Variants in ALG13 observed in about 807,000 individuals in gnomAD.
ALG13 encodes the protein ALG13 UDP-N-acetylglucosaminyltransferase subunit.
Under a neutral mutation model 87.8 loss-of-function variants are expected in ALG13, and 11 were observed. That is an observed-to-expected ratio of 0.13 (90% CI 0.08 to 0.21). The LOEUF is 0.21. Ranked by LOEUF, ALG13 falls within the 10% of genes least tolerant of loss-of-function variation. The pLI, the probability that ALG13 is intolerant of heterozygous loss-of-function variation, is 1.00. For missense variants in ALG13, 756 were observed against 866.1 expected, an observed-to-expected ratio of 0.87 and a Z score of 1.60; for synonymous variants, 320 against 306.3, an observed-to-expected ratio of 1.04 and a Z score of -0.47.
intron 3 of ALG13, among the ~76,000 whole-genome samples, chrX:111,691,375 AC>A (rs1936121462): frequency 8.9e-6 from 1 of 111,888 alleles, no homozygotes; most frequent in Non-Finnish European, 1.9e-5. Context: ...TGCTGGGATT[AC>A]AGGCGTGAGC....
chrX:111,720,224 G>T, intron 11 of ALG13, 54 bp downstream of exon 11: 1 of 852,143 alleles, frequency 1.2e-6, no homozygotes, highest in South Asian at 3.0e-5. Flanking sequence ...GCAGCATCAT[G>T]ACTTAAACTA....
At chrX:111,727,149 C>A (rs1942155188) in intron 16 of ALG13, 94 bp downstream of exon 16, 4 of 1,047,773 alleles carry the variant, frequency 3.8e-6, no homozygotes, top group Middle Eastern at 2.6e-4. Context: ...AGATGAGGGT[C>A]TCTGTGACAT....
intron 8 of ALG13, 59 bp from the exon 9 acceptor site, chrX:111,717,787 A>T: frequency 2.4e-6 from 2 of 820,630 alleles, no homozygotes; most frequent in Non-Finnish European, 3.4e-6. Flanking sequence ...TTATCATCTT[A>T]ATTTCATGGT....
At chrX:111,719,140 C>T (rs1941065226) in intron 10 of ALG13, among the ~76,000 whole-genome samples, 1 of 108,705 alleles carries the variant, frequency 9.2e-6, no homozygotes. Flanking sequence ...AGTTCTCCTG[C>T]CTCAGCCTCC....
chrX:111,748,649 CTT>C (rs1207669181), intron 24 of ALG13, among the ~76,000 whole-genome samples: 4 of 111,715 alleles, frequency 3.6e-5, no homozygotes, highest in Non-Finnish European at 7.5e-5. Flanking sequence ...CTATGCTAGT[CTT>C]TTGTCAGGTA....
intron 24 of ALG13, among the ~76,000 whole-genome samples, chrX:111,746,303 A>G (rs1305167862): frequency 8.9e-6 from 1 of 112,083 alleles, no homozygotes; most frequent in Middle Eastern, 4.2e-3. Context: ...TGTCCCACAA[A>G]TTTCCCTCAT....
intron 3 of ALG13, among the ~76,000 whole-genome samples, chrX:111,697,246 A>G (rs770572594): frequency 3.6e-5 from 4 of 111,813 alleles, no homozygotes; most frequent in Non-Finnish European, 7.5e-5. Context: ...AGCATTTACT[A>G]TAAGCATTCC....
chrX:111,693,164 CTT>C lies in ALG13; in HGVS notation c.383+8082_383+8083del, dbSNP rs61239915. Among the ~76,000 whole-genome samples the C allele has an allele frequency of 5.0e-3, 275 of 55,096 alleles. 2 individuals are homozygous for C. The highest frequency in any genetic ancestry group is 0.017 in the African/African-American group (257 of 15,394). The allele number at this position is 55,096 out of a possible 115,157, so 47.8% of individuals were successfully genotyped here. On this transcript the variant is annotated intron_variant, in intron 3 of 26. Coordinates refer to ENST00000394780, the MANE Select transcript of ALG13 (RefSeq NM_001099922.3). ...TCTATTTATTATACAGTTTTTAATT[CTT>C]TTTTTTTTTTTTTTTTTTTTGGTAG...
chrX:111,750,632 ATTGTTTGT>A (rs61179114), intron 24 of ALG13, among the ~76,000 whole-genome samples: 2 of 108,668 alleles, frequency 1.8e-5, no homozygotes, highest in African/African-American at 6.8e-5. Context: ...ATTGTATTGT[ATTGTTTGT>A]TTGTTTGTTT....
Position 111,735,104 on chromosome X carries a change from A to G in ALG13, c.2511A>G (p.Ser837=). 8.4e-7 allele frequency: 1 copy of G among 1,184,603 alleles called. No homozygotes were observed. The highest frequency in any genetic ancestry group is 1.1e-6 in the Non-Finnish European group (1 of 872,022). Residue 837 remains serine, a synonymous_variant, in exon 22 of 27, where the codon TCA becomes TCG. Transcript: ENST00000394780. ...CSMSPQDTVT[S]YNYPQKMMGN... is the part of the protein sequence containing the mutation. ...TGTCTCCTCAGGACACAGTTACCTC[A>G]TACAACTACCCCCAGAAGGTAATCC...
At chrX:111,734,145 G>A (rs1210283581) in intron 21 of ALG13, among the ~76,000 whole-genome samples, 2 of 112,332 alleles carry the variant, frequency 1.8e-5, no homozygotes, top group Non-Finnish European at 1.9e-5. Context: ...TTTTTGCTGT[G>A]CAGAAGCTTT....
chrX:111,727,025 C>T lies in ALG13; in HGVS notation c.1946C>T (p.Pro649Leu), dbSNP rs368596044. 8.3e-6 allele frequency: 10 copies of T among 1,209,190 alleles called. No individual in the cohort carries two copies. The highest frequency in any genetic ancestry group is 1.8e-5 in the African/African-American group (1 of 56,977). ...NEHFHPQHPSPRQGRGYGMPR... is the reference protein window; with the variant it reads ...NEHFHPQHPSLRQGRGYGMPR... The stretch of plus-strand genomic sequence containing the variant: ...CATTTTCATCCTCAGCATCCATCTC[C>T]GAGACAAGGTCGGGGATATGGGATG... The change falls in exon 16 of 27, where the codon CCG becomes CTG. Residue 649 changes from proline to leucine, a missense_variant. Physicochemically the swap from Pro to Leu is moderately conservative, Grantham distance 98. Coordinates refer to ENST00000394780, the MANE Select transcript of ALG13 (RefSeq NM_001099922.3).
At chrX:111,747,718 C>G (rs1944370566) in intron 24 of ALG13, among the ~76,000 whole-genome samples, 1 of 111,899 alleles carries the variant, frequency 8.9e-6, no homozygotes, top group African/African-American at 3.2e-5. Context: ...AACTCCTGAC[C>G]TCGTGATCCA....
rs1249520322 is a variant in ALG13, at chrX:111,707,786, C to G, written c.384-241C>G. 6.3e-5 allele frequency among the ~76,000 whole-genome samples: 7 copies of G among 111,420 alleles called. No individual in the cohort carries two copies. The Admixed American group carries it at 6.7e-4, about 11-fold the overall frequency. ...TACACACCTGAGCCTTATTGTAGTC[C>G]CTTTTCAGCCTCGTGCAGCAGTTGC... On this transcript the variant is annotated intron_variant, in intron 3 of 26. Coordinates refer to ENST00000394780, the MANE Select transcript of ALG13 (RefSeq NM_001099922.3).
intron 2 of ALG13, among the ~76,000 whole-genome samples, chrX:111,682,660 A>G (rs1167072719): frequency 8.9e-6 from 1 of 112,266 alleles, no homozygotes; most frequent in Non-Finnish European, 1.9e-5. Flanking sequence ...TTTACAATAA[A>G]AAACCCTAAA....
At chrX:111,681,338 C>T (rs375148566) in intron 1 of ALG13, 39 bp downstream of exon 1, 3 of 1,207,248 alleles carry the variant, frequency 2.5e-6, no homozygotes, top group Non-Finnish European at 3.4e-6. Flanking sequence ...CTTGGCTCGC[C>T]ACCCGCCATC....
At chrX:111,748,324 A>G (rs939700413) in intron 24 of ALG13, among the ~76,000 whole-genome samples, 5 of 112,201 alleles carry the variant, frequency 4.5e-5, no homozygotes, top group Non-Finnish European at 9.4e-5. Flanking sequence ...TTTATGGATC[A>G]TGCCTATGGT....
rs1234385710 is a variant in ALG13 at position 111,724,951 on chromosome X, C to G, written c.1619C>G (p.Ala540Gly). The change falls in exon 15 of 27, where the codon GCT (alanine) becomes GGT (glycine). Residue 540 changes from alanine to glycine, a missense_variant. Around this residue, in one of 9 missense-constraint regions of ALG13, gnomAD observed 362 missense variants for 383.5 expected, o/e 0.94. Coordinates refer to ENST00000394780, the MANE Select transcript of ALG13 (RefSeq NM_001099922.3). ...CTTTTAAGGCATGTTGTTCCACTGG[C>G]TAACTTAAAACCAGTTACCCAAGTG... ...ELAEKHVVPLANLKPVTQVMS... is the reference protein window; with the variant it reads ...ELAEKHVVPLGNLKPVTQVMS... 1.7e-6 allele frequency: 2 copies of G among 1,210,093 alleles called. No individual in the cohort carries two copies. The highest frequency in any genetic ancestry group is 2.2e-6 in the Non-Finnish European group (2 of 894,392).
chrX:111,701,740 T>C (rs750921400), intron 3 of ALG13, among the ~76,000 whole-genome samples: 28 of 112,000 alleles, frequency 2.5e-4, no homozygotes, highest in Non-Finnish European at 4.0e-4. Flanking sequence ...GTTCTTTTTC[T>C]AGTTCCTTGA....
Sources: allele counts gnomAD v4.1 joint callset (sites outside exome capture counted in the v4.1 genomes callset), GRCh38; gene constraint gnomAD v4.1.1; regional missense constraint gnomAD v4.1.1; transcripts MANE v1.5; gene names NCBI Gene and HGNC (gene_info 2026-07-23, HGNC 2026-07-21).